SIRT4: variants seen among roughly 807,000 people sequenced by gnomAD.
The protein encoded by SIRT4 is sirtuin 4, also known as NAD-dependent protein lipoamidase sirtuin-4, mitochondrial.
In SIRT4, 23 loss-of-function variants were observed where a neutral mutation model predicts 26.1. The ratio of observed to expected loss-of-function variants is 0.88; its 90% CI spans 0.63 to 1.25. The LOEUF (loss-of-function observed/expected upper bound fraction) is 1.25. Ranked by LOEUF, SIRT4 falls within the 50% of genes most tolerant of loss-of-function variation. SIRT4 has a pLI of 0.00. For synonymous variants in SIRT4, 155 were observed against 158.4 expected (o/e 0.98, Z 0.16); for missense variants, 361 against 405.4 (o/e 0.89, Z 0.94).
upstream of SIRT4, among the ~76,000 whole-genome samples, chr12:120,300,455 T>C (rs1304183629): frequency 4.6e-5 from 7 of 152,142 alleles, no homozygotes; most frequent in South Asian, 1.4e-3. Context: ...ATTATTATTA[T>C]TTTTTGAAGA....
At chr12:120,309,014 C>A (rs759967452) in intron 2 of SIRT4, among the ~76,000 whole-genome samples, 1 of 151,932 alleles carries the variant, frequency 6.6e-6, no homozygotes, top group Non-Finnish European at 1.5e-5. Flanking sequence ...ACTAAAAGTA[C>A]AAGAACAACA....
intron 2 of SIRT4, among the ~76,000 whole-genome samples, chr12:120,312,104 G>C (rs1219850675): frequency 6.6e-6 from 1 of 152,036 alleles, no homozygotes; most frequent in Non-Finnish European, 1.5e-5. Flanking sequence ...GCGACACAGT[G>C]AAACACCGTC....
chr12:120,305,043 A>C (rs1427510228), intron 2 of SIRT4, among the ~76,000 whole-genome samples: 1 of 150,694 alleles, frequency 6.6e-6, no homozygotes, highest in Non-Finnish European at 1.5e-5. Context: ...AATTCCAGCT[A>C]CTCAGGAGGC....
chr12:120,303,994 G>C lies in SIRT4; in HGVS notation c.433G>C (p.Val145Leu), dbSNP rs1437885442. The C allele has an allele frequency of 6.2e-7, 1 of 1,614,040 alleles. No homozygotes were observed. The highest frequency in any genetic ancestry group is 1.1e-5 in the South Asian group (1 of 91,092). Residue 145 changes from valine (V) to leucine (L), a missense_variant, in exon 2 of 4, where the codon GTG becomes CTG. Val to Leu is a conservative substitution (Grantham distance 32). Coordinates refer to ENST00000202967, the MANE Select transcript of SIRT4 (RefSeq NM_012240.3). The stretch of plus-strand genomic sequence containing the variant: ...GCTGTACTGGTTGGTGACCCAAAAT[G>C]TGGATGCTTTGCACACCAAGGCGGG... ...GKLYWLVTQNVDALHTKAGSR... is the reference protein window; with the variant it reads ...GKLYWLVTQNLDALHTKAGSR...
intron 1 of SIRT4, among the ~76,000 whole-genome samples, chr12:120,302,881 G>A (rs1486794232): frequency 6.6e-6 from 1 of 151,394 alleles, no homozygotes; most frequent in Non-Finnish European, 1.5e-5. Context: ...CACAATGCCC[G>A]GCTAATTTTT....
At chr12:120,305,317 T>C (rs1364248834) in intron 2 of SIRT4, among the ~76,000 whole-genome samples, 1 of 152,068 alleles carries the variant, frequency 6.6e-6, no homozygotes, top group East Asian at 1.9e-4. Flanking sequence ...GTGGTGTGAT[T>C]ATAGCTCACT....
the SIRT4 span, among the ~76,000 whole-genome samples, chr12:120,292,875 T>A: frequency 6.6e-6 from 1 of 152,144 alleles, no homozygotes; most frequent in Non-Finnish European, 1.5e-5. Context: ...CCGCCCTGCT[T>A]TTACCTTAAA....
chr12:120,293,082 T>G, the SIRT4 span: 4 of 84,380 alleles, frequency 4.7e-5, no homozygotes, highest in African/African-American at 7.4e-5. Flanking sequence ...GTTGTTCAAC[T>G]GCAAGAAAAT....
chr12:120,307,320 T>C (rs1329911752), intron 2 of SIRT4, among the ~76,000 whole-genome samples: 1 of 151,942 alleles, frequency 6.6e-6, no homozygotes, highest in African/African-American at 2.4e-5. Flanking sequence ...CGAAACCCAG[T>C]CTCTACTAAA....
the SIRT4 span, chr12:120,293,351 AT>A: frequency 2.0e-5 from 3 of 152,160 alleles, no homozygotes; most frequent in African/African-American, 7.2e-5. Context: ...AAATTATACA[AT>A]CATAGAAAGA....
chr12:120,292,610 A>G, the SIRT4 span, among the ~76,000 whole-genome samples: 1 of 150,500 alleles, frequency 6.6e-6, no homozygotes, highest in South Asian at 2.1e-4. Context: ...AGAAAACAAC[A>G]GTGCGAGAGA....
rs1873065957 is a variant in SIRT4, at chr12:120,313,224, A to G, written c.*188A>G. Reference sequence around the variant, plus strand: ...TAATTAAAACTCATTTTTTTTAAATAAAAAATTGTTCAGCTTTATATGAAA... The same window carrying G: ...TAATTAAAACTCATTTTTTTTAAATGAAAAATTGTTCAGCTTTATATGAAA... On this transcript the variant is annotated 3_prime_UTR_variant, in exon 4 of 4. Coordinates refer to ENST00000202967, the MANE Select transcript of SIRT4 (RefSeq NM_012240.3). The G allele has an allele frequency of 9.4e-6, 6 of 639,284 alleles. No homozygotes were observed. The highest frequency in any genetic ancestry group is 1.6e-5 in the Non-Finnish European group (6 of 380,870). 39.6% of individuals were successfully genotyped at this position (639,284 alleles called of 1,614,324 possible).
At chr12:120,309,451 G>A (rs1204582059) in intron 2 of SIRT4, among the ~76,000 whole-genome samples, 14 of 136,640 alleles carry the variant, frequency 1.0e-4, no homozygotes, top group South Asian at 2.3e-4. Context: ...TCACTCTGTC[G>A]CCTAGGCTGG....
chr12:120,291,800 A>C, the SIRT4 span: 2 of 152,216 alleles, frequency 1.3e-5, no homozygotes, highest in Admixed American at 6.5e-5. Context: ...AATGCCGACT[A>C]TATTTCAAGT....
At chr12:120,293,252 C>T in the SIRT4 span, 6 of 152,280 alleles carry the variant, frequency 3.9e-5, no homozygotes, top group South Asian at 2.1e-4. Flanking sequence ...TGTTACGCCC[C>T]CTGCTCATCA....
upstream of SIRT4, among the ~76,000 whole-genome samples, chr12:120,298,139 T>C (rs781020719): frequency 1.6e-5 from 2 of 125,862 alleles, no homozygotes; most frequent in Non-Finnish European, 3.1e-5. Flanking sequence ...GAGGTTGCGG[T>C]GAGCCAAGAT....
At chr12:120,293,852 TTA>T in the SIRT4 span, among the ~76,000 whole-genome samples, 138,020 of 151,766 alleles carry the variant, frequency 0.91, 62,992 homozygotes, top group African/African-American at 0.98. Context: ...TGTGAGTACT[TTA>T]TATATATATA....
chr12:120,304,183 T>A, intron 2 of SIRT4, 125 bp downstream of exon 2: 2 of 1,279,190 alleles, frequency 1.6e-6, no homozygotes, highest in Non-Finnish European at 1.1e-6. Context: ...AGTTGTTTAT[T>A]TTGCAGTTGA....
At chr12:120,302,824 A>G (rs1872595082) in intron 1 of SIRT4, among the ~76,000 whole-genome samples, 2 of 151,218 alleles carry the variant, frequency 1.3e-5, no homozygotes, top group Admixed American at 6.6e-5. Flanking sequence ...GGTTCAAGCA[A>G]TTCTCCTGCC....
Sources: allele counts gnomAD v4.1 joint callset (sites outside exome capture counted in the v4.1 genomes callset), GRCh38; gene constraint gnomAD v4.1.1; transcripts MANE v1.5; gene names NCBI Gene and HGNC (gene_info 2026-07-23, HGNC 2026-07-21).